Variants in CEP162 observed in about 807,000 individuals in gnomAD.
CEP162 encodes the protein centrosomal protein of 162 kDa.
In CEP162, 141 loss-of-function variants were observed where a neutral mutation model predicts 169.2. The ratio of observed to expected loss-of-function variants is 0.83; its 90% CI spans 0.73 to 0.96. The LOEUF (loss-of-function observed/expected upper bound fraction) is 0.96. Ranked by LOEUF, CEP162 falls within the 40% of genes least tolerant of loss-of-function variation. The pLI is 0.00. For missense variants in CEP162, 1,600 were observed against 1,587.2 expected (o/e 1.01, Z -0.14); for synonymous variants, 540 against 526.4 (o/e 1.03, Z -0.35).
intron 2 of CEP162, 72 bp from the exon 3 acceptor site, chr6:84,221,243 A>C (rs1399169048): frequency 3.9e-6 from 3 of 762,246 alleles, no homozygotes; most frequent in Non-Finnish European, 2.3e-6. Flanking sequence ...ATCATTAAGC[A>C]TGTTTCTATT....
intron 26 of CEP162, 87 bp from the exon 27 acceptor site, chr6:84,125,363 G>C: frequency 9.0e-7 from 1 of 1,113,672 alleles, no homozygotes; most frequent in African/African-American, 1.6e-5. Context: ...GCAAACCTGG[G>C]GTTTCTTTGG....
chr6:84,135,305 TA>T (rs2099513531), intron 25 of CEP162, among the ~76,000 whole-genome samples: 1 of 152,228 alleles, frequency 6.6e-6, no homozygotes, highest in African/African-American at 2.4e-5. Context: ...ATTACTTTAC[TA>T]AAGTAAAAAA....
At chr6:84,128,379 A>C (rs1445287618) in intron 25 of CEP162, among the ~76,000 whole-genome samples, 2 of 152,194 alleles carry the variant, frequency 1.3e-5, no homozygotes, top group African/African-American at 4.8e-5. Context: ...CATGTATTTA[A>C]AAAATACTTC....
intron 9 of CEP162, among the ~76,000 whole-genome samples, chr6:84,196,542 CT>C (rs1318829918): frequency 6.6e-6 from 1 of 151,960 alleles, no homozygotes; most frequent in Non-Finnish European, 1.5e-5. Flanking sequence ...TACTTTCTTG[CT>C]TATTTTGTAA....
intron 17 of CEP162, 43 bp from the exon 18 acceptor site, chr6:84,169,476 A>G (rs1299099938): frequency 8.6e-7 from 1 of 1,159,452 alleles, no homozygotes; most frequent in East Asian, 2.6e-5. Context: ...CTTTCTTACC[A>G]GGTGCTCCTT....
At chr6:84,205,803 T>C (rs2099546674) in intron 6 of CEP162, among the ~76,000 whole-genome samples, 1 of 151,666 alleles carries the variant, frequency 6.6e-6, no homozygotes, top group Admixed American at 6.5e-5. Flanking sequence ...GATGACATGA[T>C]TGTATATTTA....
intron 25 of CEP162, among the ~76,000 whole-genome samples, chr6:84,134,830 GATAA>G (rs2099513217): frequency 6.6e-6 from 1 of 151,178 alleles, no homozygotes. Flanking sequence ...TTAAACTTTT[GATAA>G]ATAATTATAT....
At chr6:84,226,036 G>A (rs1156452931) in intron 2 of CEP162, among the ~76,000 whole-genome samples, 2 of 148,938 alleles carry the variant, frequency 1.3e-5, no homozygotes, top group Non-Finnish European at 2.9e-5. Context: ...TGGTAAGGAG[G>A]AGTTGTTTGT....
At position 84,195,047 on chromosome 6, in the gene CEP162, G is replaced by A. The variant is rs369710659; in HGVS notation, c.864C>T (p.Asp288=). The change falls in exon 10 of 27, where the codon GAC becomes GAT. Residue 288 remains aspartate, a synonymous_variant. Coordinates refer to ENST00000403245, the MANE Select transcript of CEP162 (RefSeq NM_014895.4). The part of the protein sequence containing the change: ...TGVSYGQSSS[D]VEALHQAYCH... Reference sequence around the variant, plus strand: ...AATAAGCTTGATGTAGGGCTTCAACGTCACTACTGCTTTGTCCATAAGAAA... The same window carrying A: ...AATAAGCTTGATGTAGGGCTTCAACATCACTACTGCTTTGTCCATAAGAAA... 1.7e-5 allele frequency: 28 copies of A among 1,600,758 alleles called. No homozygotes were observed. Among genetic ancestry groups the A allele is most frequent in the African/African-American group, 9.4e-5 (7 of 74,544 alleles).
At chr6:84,175,480 C>G in intron 13 of CEP162, 133 bp from the exon 14 acceptor site, 1 of 574,480 alleles carries the variant, frequency 1.7e-6, no homozygotes, top group Non-Finnish European at 2.9e-6. Flanking sequence ...ATGGACTACA[C>G]TATAACACAG....
chr6:84,127,860 A>C (rs1343567044), intron 25 of CEP162, among the ~76,000 whole-genome samples: 1 of 152,152 alleles, frequency 6.6e-6, no homozygotes, highest in African/African-American at 2.4e-5. Flanking sequence ...AGAACACCTG[A>C]CTGGAAGAGA....
At chr6:84,131,896 G>C (rs1423331311) in intron 25 of CEP162, among the ~76,000 whole-genome samples, 1 of 152,138 alleles carries the variant, frequency 6.6e-6, no homozygotes, top group African/African-American at 2.4e-5. Flanking sequence ...GATGTTAGCT[G>C]GTTATTTTGC....
At chr6:84,145,811 GACAT>G (rs1271237135) in intron 25 of CEP162, among the ~76,000 whole-genome samples, 1 of 152,020 alleles carries the variant, frequency 6.6e-6, no homozygotes, top group African/African-American at 2.4e-5. Flanking sequence ...CTTATAACTA[GACAT>G]ACTCAAACTG....
At chr6:84,219,331 CT>C in intron 3 of CEP162, 1 of 386,096 alleles carries the variant, frequency 2.6e-6, no homozygotes, top group South Asian at 2.1e-5. Flanking sequence ...AAGTTTGCTT[CT>C]TGACTATCCT....
At chr6:84,190,386 C>A (rs1281351158) in intron 11 of CEP162, among the ~76,000 whole-genome samples, 1 of 151,910 alleles carries the variant, frequency 6.6e-6, no homozygotes, top group Non-Finnish European at 1.5e-5. Context: ...GCAGGCTGCC[C>A]GAGCCAGCAT....
intron 25 of CEP162, among the ~76,000 whole-genome samples, chr6:84,137,774 A>G (rs1164293537): frequency 1.3e-5 from 2 of 152,166 alleles, no homozygotes; most frequent in Non-Finnish European, 2.9e-5. Flanking sequence ...GATGAATACT[A>G]AAACACAAAA....
chr6:84,171,811 G>A (rs1355091805), intron 16 of CEP162, 93 bp from the exon 17 acceptor site: 8 of 442,770 alleles, frequency 1.8e-5, no homozygotes, highest in Admixed American at 4.4e-5. Flanking sequence ...TCCTTTAAAC[G>A]GCCTTTTAAG....
At chr6:84,170,850 G>A (rs769486543) in intron 17 of CEP162, among the ~76,000 whole-genome samples, 1 of 152,178 alleles carries the variant, frequency 6.6e-6, no homozygotes, top group African/African-American at 2.4e-5. Context: ...TGATTCCTAA[G>A]TAGGTGCTGG....
At chr6:84,202,518 C>CTTTTTTTTTTTTTTTTTT (rs70987776) in intron 7 of CEP162, among the ~76,000 whole-genome samples, 44 of 90,742 alleles carry the variant, frequency 4.8e-4, no homozygotes, top group Non-Finnish European at 7.0e-4. Flanking sequence ...TTCTTTCTTT[C>CTTTTTTTTTTTTTTTTTT]TTTTTTTTTT....
Sources: allele counts gnomAD v4.1 joint callset (sites outside exome capture counted in the v4.1 genomes callset), GRCh38; gene constraint gnomAD v4.1.1; transcripts MANE v1.5; gene names NCBI Gene and HGNC (gene_info 2026-07-23, HGNC 2026-07-21).